The following PHF8 variants were observed in gnomAD, a reference collection of about 807,000 sequenced individuals.
PHF8 encodes the protein PHD finger protein 8.
Under a neutral mutation model 74.4 loss-of-function variants are expected in PHF8, and 9 were observed. The ratio of observed to expected loss-of-function variants is 0.12; its 90% CI spans 0.07 to 0.21. The LOEUF is 0.21. Ranked by LOEUF, PHF8 falls within the 10% of genes least tolerant of loss-of-function variation. The probability of loss-of-function intolerance (pLI) is 1.00; values close to 1 mark genes in which losing one functional copy is unlikely to be tolerated. For synonymous variants in PHF8, 311 were observed against 316.6 expected, an observed-to-expected ratio of 0.98 and a Z score of 0.19; for missense variants, 478 against 816.6, an observed-to-expected ratio of 0.59 and a Z score of 5.05.
At chrX:54,027,939 G>C (rs1218804177) in intron 2 of PHF8, among the ~76,000 whole-genome samples, 2 of 108,832 alleles carry the variant, frequency 1.8e-5, no homozygotes, top group East Asian at 2.8e-4. Context: ...AAACAGGAAG[G>C]GGGATATAGA....
chrX:53,983,934 T>C (rs1302284370), intron 18 of PHF8, among the ~76,000 whole-genome samples: 1 of 112,325 alleles, frequency 8.9e-6, no homozygotes, highest in Non-Finnish European at 1.9e-5. Context: ...ATAAAAGGTA[T>C]ACATGAAAAT....
chrX:53,990,965 T>C, intron 14 of PHF8, among the ~76,000 whole-genome samples: 1 of 112,022 alleles, frequency 8.9e-6, no homozygotes, highest in South Asian at 3.7e-4. Context: ...CTACCATGTA[T>C]TAAGTATTAA....
intron 2 of PHF8, among the ~76,000 whole-genome samples, chrX:54,037,873 T>C (rs2066489905): frequency 8.9e-6 from 1 of 112,275 alleles, no homozygotes; most frequent in Admixed American, 9.4e-5. Context: ...TCACAACCTC[T>C]CAGGGAAACT....
intron 2 of PHF8, among the ~76,000 whole-genome samples, chrX:54,034,880 T>A (rs1215315086): frequency 5.2e-4 from 52 of 99,128 alleles, no homozygotes; most frequent in Non-Finnish European, 6.0e-5. Flanking sequence ...ATGCCTGTAG[T>A]CCCAGCTACT....
intron 18 of PHF8, among the ~76,000 whole-genome samples, chrX:53,967,601 C>A (rs2065229578): frequency 1.8e-5 from 2 of 114,241 alleles, no homozygotes; most frequent in Admixed American, 9.1e-5. Flanking sequence ...GCCACCACCC[C>A]ATCTGGGAGG....
chrX:54,036,244 G>A (rs1569529919), intron 2 of PHF8, among the ~76,000 whole-genome samples: 5 of 110,686 alleles, frequency 4.5e-5, no homozygotes, highest in Admixed American at 1.9e-4. Flanking sequence ...TTCTTTTCGA[G>A]TGATCATGAA....
chrX:53,988,263 G>A (rs1419544518), intron 14 of PHF8, among the ~76,000 whole-genome samples: 1 of 111,701 alleles, frequency 9.0e-6, no homozygotes, highest in Non-Finnish European at 1.9e-5. Context: ...GAATAAACCC[G>A]TACAGTTATG....
At chrX:54,015,493 G>A (rs782753373) in intron 6 of PHF8, among the ~76,000 whole-genome samples, 1 of 103,930 alleles carries the variant, frequency 9.6e-6, no homozygotes, top group African/African-American at 3.6e-5. Flanking sequence ...GGAGAATGGC[G>A]TGAACCAGGG....
At chrX:54,020,308 T>C (rs1557109481) in intron 4 of PHF8, among the ~76,000 whole-genome samples, 1 of 112,626 alleles carries the variant, frequency 8.9e-6, no homozygotes, top group Admixed American at 9.5e-5. Flanking sequence ...ACTATGGATG[T>C]AACTGGCAAC....
At chrX:53,979,866 G>A (rs946846929) in intron 18 of PHF8, among the ~76,000 whole-genome samples, 2 of 111,388 alleles carry the variant, frequency 1.8e-5, no homozygotes, top group African/African-American at 3.3e-5. Context: ...GCGTGCACCT[G>A]CAGTCCCAGC....
chrX:53,936,862 T>C lies in PHF8; in HGVS notation c.*2296A>G, dbSNP rs1421775400. 1 of 111,903 alleles carries C rather than the reference T, an allele frequency of 8.9e-6. No homozygotes were observed. Among genetic ancestry groups the C allele is most frequent in the Non-Finnish European group, 1.9e-5 (1 of 53,142 alleles). The allele number at this position is 111,903 out of a possible 1,213,427, so 9.2% of individuals were successfully genotyped here. On this transcript the variant is annotated 3_prime_UTR_variant, in exon 22 of 22. Transcript: ENST00000338154. The stretch of plus-strand genomic sequence containing the variant: ...AGAAATTCACAATCCTACCCACTTC[T>C]AAAAATATATTTAGACATGTACAGA...
chrX:53,938,882 G>A lies in PHF8; in HGVS notation c.*276C>T. On this transcript the variant is annotated 3_prime_UTR_variant, in exon 22 of 22. Coordinates refer to ENST00000338154, the MANE Select transcript of PHF8 (RefSeq NM_015107.3). The stretch of plus-strand genomic sequence containing the variant: ...AACAGACAAGGCAGGTGACGGGAGT[G>A]GTTTGGACGAGTAGAAAAGAGGGTT... 2 of 921,325 alleles carry A rather than the reference G, an allele frequency of 2.2e-6. No homozygotes were observed. Among genetic ancestry groups the A allele is most frequent in the Admixed American group, 5.6e-5 (1 of 17,910 alleles). 75.9% of individuals were successfully genotyped at this position (921,325 alleles called of 1,213,427 possible).
In PHF8 at chrX:53,937,913, T is replaced by G. The variant is rs1557082237; in HGVS notation, c.*1245A>C. On this transcript the variant is annotated 3_prime_UTR_variant, in exon 22 of 22. Coordinates refer to ENST00000338154, the MANE Select transcript of PHF8 (RefSeq NM_015107.3). ...GGCGGTGGGAGGTGGGGGCACTGTCTGGACAATGGAGACAATCCACGAAGG... is the reference window on the plus strand; with the variant it reads ...GGCGGTGGGAGGTGGGGGCACTGTCGGGACAATGGAGACAATCCACGAAGG... The G allele has an allele frequency of 1.0e-6, 1 of 958,103 alleles. No homozygotes were observed. The highest frequency in any genetic ancestry group is 2.7e-5 in the Admixed American group (1 of 37,456). The allele number at this position is 958,103 out of a possible 1,213,427, so 79.0% of individuals were successfully genotyped here. A position where few individuals can be genotyped will look rare whatever the true frequency, so the allele number is the denominator to read the frequency against.
chrX:54,032,207 C>CAG (rs2066370763), intron 2 of PHF8, among the ~76,000 whole-genome samples: 2 of 111,723 alleles, frequency 1.8e-5, no homozygotes, highest in Admixed American at 1.9e-4. Flanking sequence ...TGTTAAACCA[C>CAG]AGATTCTAGG....
rs1336491147 is a variant in PHF8 at position 54,036,872 on chromosome X, C to T, written c.98+5759G>A. On this transcript the variant is annotated intron_variant, in intron 2 of 21. Transcript: ENST00000338154. ...AAAATTAGCTGGGCGTGGTGGCGAG[C>T]GCCTATAATCCCAGCTAGTAGGGAG... Among the ~76,000 whole-genome samples, 5 of 107,544 alleles carry T rather than the reference C, an allele frequency of 4.6e-5. No individual in the cohort carries two copies. In the East Asian group the frequency reaches 8.6e-4, roughly 19 times the overall value. The allele number at this position is 107,544 out of a possible 115,157, so 93.4% of individuals were successfully genotyped here.
chrX:54,000,999 G>A (rs892700458), intron 10 of PHF8, among the ~76,000 whole-genome samples: 5 of 112,834 alleles, frequency 4.4e-5, no homozygotes, highest in African/African-American at 6.4e-5. Context: ...AGAAGGTCAC[G>A]TACTATAATG....
intron 18 of PHF8, among the ~76,000 whole-genome samples, chrX:53,969,756 T>C (rs782656689): frequency 5.1e-4 from 57 of 112,098 alleles, no homozygotes; most frequent in African/African-American, 1.8e-3. Context: ...AACAGCATGG[T>C]ACTGGCATTA....
At chrX:53,978,104 C>T (rs782178128) in intron 18 of PHF8, among the ~76,000 whole-genome samples, 1 of 108,807 alleles carries the variant, frequency 9.2e-6, no homozygotes, top group Non-Finnish European at 1.9e-5. Flanking sequence ...TGCCACCACA[C>T]CTGGCTAAAT....
In PHF8 at chrX:54,002,137, T is replaced by C; in HGVS notation, c.1141+18A>G. 2.0e-6 allele frequency: 2 copies of C among 1,016,301 alleles called. No homozygotes were observed. Among genetic ancestry groups the C allele is most frequent in the Non-Finnish European group, 2.8e-6 (2 of 717,645 alleles). The allele number at this position is 1,016,301 out of a possible 1,213,427, so 83.8% of individuals were successfully genotyped here. A position where few individuals can be genotyped will look rare whatever the true frequency, so the allele number is the denominator to read the frequency against. ...AGGGGAGAGGGGCAAAAAGGACAGTTGGCAAAGGGCTCCATACCGCGAAAG... is the reference window on the plus strand; with the variant it reads ...AGGGGAGAGGGGCAAAAAGGACAGTCGGCAAAGGGCTCCATACCGCGAAAG... On this transcript the variant is annotated intron_variant, in intron 10 of 21. Transcript: ENST00000338154.
Sources: allele counts gnomAD v4.1 joint callset (sites outside exome capture counted in the v4.1 genomes callset), GRCh38; gene constraint gnomAD v4.1.1; transcripts MANE v1.5; gene names NCBI Gene and HGNC (gene_info 2026-07-23, HGNC 2026-07-21).